ZCWPW2: variants seen among roughly 807,000 people sequenced by gnomAD.
ZCWPW2 encodes the protein zinc finger CW-type PWWP domain protein 2.
In ZCWPW2, 45 loss-of-function variants were observed where a neutral mutation model predicts 46.6. That is an observed-to-expected ratio of 0.96 (90% CI 0.76 to 1.24). The LOEUF is 1.24. Among genes scored for constraint, ZCWPW2 ranks in the 50% most tolerant of loss-of-function variants. The probability of loss-of-function intolerance (pLI) is 0.00; values close to 1 mark genes in which losing one functional copy is unlikely to be tolerated. For missense variants in ZCWPW2, 429 were observed against 403.9 expected, an observed-to-expected ratio of 1.06 and a Z score of -0.53; for synonymous variants, 152 against 137.1, an observed-to-expected ratio of 1.11 and a Z score of -0.76.
chr3:28,435,394 A>G lies in ZCWPW2; in HGVS notation c.492+125A>G, dbSNP rs78289608. On this transcript the variant is annotated intron_variant, in intron 4 of 9. Transcript: ENST00000383768. ...TTGATATAATGTATGCTGTTTATTTAATTCAAATATTTGTATTTTTAGTGT... is the reference window on the plus strand; with the variant it reads ...TTGATATAATGTATGCTGTTTATTTGATTCAAATATTTGTATTTTTAGTGT... 1.5e-5 allele frequency: 12 copies of G among 784,394 alleles called. No individual in the cohort carries two copies. The Admixed American group carries it at 2.0e-4, about 13-fold the overall frequency. The allele number at this position is 784,394 out of a possible 1,614,324, so 48.6% of individuals were successfully genotyped here.
At chr3:28,505,993 C>T (rs1416482359) in intron 6 of ZCWPW2, among the ~76,000 whole-genome samples, 1 of 150,578 alleles carries the variant, frequency 6.6e-6, no homozygotes, top group Non-Finnish European at 1.5e-5. Flanking sequence ...AATGTAAACA[C>T]AGTTCTATGG....
intron 4 of ZCWPW2, among the ~76,000 whole-genome samples, chr3:28,459,701 G>A (rs1698555612): frequency 6.6e-6 from 1 of 152,076 alleles, no homozygotes; most frequent in Non-Finnish European, 1.5e-5. Flanking sequence ...GACATCCAGA[G>A]CCCTCTCATT....
At chr3:28,370,339 T>C (rs1318908102) in intron 1 of ZCWPW2, among the ~76,000 whole-genome samples, 2 of 152,196 alleles carry the variant, frequency 1.3e-5, no homozygotes, top group African/African-American at 2.4e-5. Context: ...AACCCTAAAC[T>C]GGAGATCTAA....
intron 1 of ZCWPW2, chr3:28,351,472 T>A (rs1704546649): frequency 6.6e-6 from 1 of 151,648 alleles, no homozygotes; most frequent in African/African-American, 2.4e-5. Flanking sequence ...GACTGTAGCT[T>A]AGCCTTTTTA....
chr3:28,372,258 A>G (rs1705360871), intron 1 of ZCWPW2, among the ~76,000 whole-genome samples: 1 of 152,192 alleles, frequency 6.6e-6, no homozygotes, highest in Non-Finnish European at 1.5e-5. Flanking sequence ...GATTTATGTG[A>G]AATATTCACT....
At chr3:28,353,184 A>G (rs1249751522) in intron 1 of ZCWPW2, among the ~76,000 whole-genome samples, 2 of 139,686 alleles carry the variant, frequency 1.4e-5, no homozygotes, top group East Asian at 3.9e-4. Flanking sequence ...ACTCCGTCTC[A>G]AAAAAAAAAA....
At chr3:28,489,574 A>G (rs922299232) in intron 5 of ZCWPW2, among the ~76,000 whole-genome samples, 2 of 152,032 alleles carry the variant, frequency 1.3e-5, no homozygotes, top group Non-Finnish European at 2.9e-5. Flanking sequence ...AGATGATACA[A>G]TAGTGAAATA....
chr3:28,484,921 AT>A (rs1044500219), intron 5 of ZCWPW2, among the ~76,000 whole-genome samples: 2 of 150,888 alleles, frequency 1.3e-5, no homozygotes, highest in African/African-American at 4.9e-5. Context: ...CTGCTCTTTT[AT>A]TTTTTTTCTT....
chr3:28,487,531 T>C (rs1171860457), intron 5 of ZCWPW2, among the ~76,000 whole-genome samples: 4 of 152,202 alleles, frequency 2.6e-5, no homozygotes, highest in African/African-American at 9.7e-5. Context: ...TTTAACACTG[T>C]AGCTTTTAGC....
At chr3:28,502,199 T>C (rs534755104) in intron 6 of ZCWPW2, among the ~76,000 whole-genome samples, 2 of 152,254 alleles carry the variant, frequency 1.3e-5, no homozygotes, top group East Asian at 1.9e-4. Context: ...ACCTCTTTTA[T>C]CTTGAATTAA....
At chr3:28,409,390 G>C (rs1455148971) in intron 2 of ZCWPW2, among the ~76,000 whole-genome samples, 2 of 151,888 alleles carry the variant, frequency 1.3e-5, no homozygotes, top group Non-Finnish European at 2.9e-5. Flanking sequence ...AAAGTGCTGG[G>C]ATTATAGGCA....
At chr3:28,407,198 C>G (rs1409358625) in intron 2 of ZCWPW2, among the ~76,000 whole-genome samples, 1 of 152,164 alleles carries the variant, frequency 6.6e-6, no homozygotes, top group Non-Finnish European at 1.5e-5. Context: ...AGGTTCAGCT[C>G]AAATGCTAGC....
intron 3 of ZCWPW2, among the ~76,000 whole-genome samples, chr3:28,424,775 A>G (rs1250771185): frequency 6.6e-6 from 1 of 152,242 alleles, no homozygotes; most frequent in African/African-American, 2.4e-5. Flanking sequence ...GGCTTTTCTG[A>G]AGATCAAATG....
intron 9 of ZCWPW2, among the ~76,000 whole-genome samples, chr3:28,521,699 G>C (rs1700728109): frequency 6.6e-6 from 1 of 152,128 alleles, no homozygotes; most frequent in African/African-American, 2.4e-5. Flanking sequence ...ATGAGTTTGT[G>C]ATACAAGGCT....
chr3:28,353,661 T>C (rs1056722149), intron 1 of ZCWPW2, among the ~76,000 whole-genome samples: 1 of 152,260 alleles, frequency 6.6e-6, no homozygotes, highest in Non-Finnish European at 1.5e-5. Context: ...AGGAATTGTT[T>C]GCTGACAGAG....
chr3:28,354,094 G>T (rs939011511), intron 1 of ZCWPW2, among the ~76,000 whole-genome samples: 1 of 151,976 alleles, frequency 6.6e-6, no homozygotes, highest in Non-Finnish European at 1.5e-5. Context: ...GAGGTAAAAC[G>T]TATTAGAGAA....
At chr3:28,487,628 C>G (rs781549075) in intron 5 of ZCWPW2, among the ~76,000 whole-genome samples, 1 of 152,058 alleles carries the variant, frequency 6.6e-6, no homozygotes, top group Non-Finnish European at 1.5e-5. Flanking sequence ...CTTGCTCTGT[C>G]TCTTCAAATT....
intron 1 of ZCWPW2, among the ~76,000 whole-genome samples, chr3:28,369,159 C>T (rs576074416): frequency 1.1e-3 from 163 of 152,304 alleles, no homozygotes; most frequent in Non-Finnish European, 1.3e-3. Context: ...TCTCTCAACT[C>T]GTCAAAGTCA....
intron 2 of ZCWPW2, among the ~76,000 whole-genome samples, chr3:28,395,945 G>T (rs1695679700): frequency 2.0e-5 from 3 of 152,056 alleles, no homozygotes; most frequent in African/African-American, 7.2e-5. Context: ...TTATTAACTT[G>T]ATTGTGGTAA....
Sources: gnomAD v4.1 joint callset for allele counts (sites outside exome capture counted in the v4.1 genomes callset) on GRCh38, gnomAD v4.1.1 for gene constraint, MANE v1.5 for transcripts, NCBI Gene and HGNC (gene_info 2026-07-23, HGNC 2026-07-21) for gene names.